Variants in SVIL observed in about 807,000 individuals in gnomAD.
The protein encoded by SVIL is archvillin.
In SVIL, 101 loss-of-function variants were observed where a neutral mutation model predicts 240.4. That is an observed-to-expected ratio of 0.42 (90% CI 0.36 to 0.50). The LOEUF (loss-of-function observed/expected upper bound fraction) is 0.50. Ranked by LOEUF, SVIL falls within the 20% of genes least tolerant of loss-of-function variation. The pLI is 0.01. For missense variants in SVIL, 2,512 were observed against 2,818.7 expected (o/e 0.89, Z 2.46); for synonymous variants, 999 against 1,100.0 (o/e 0.91, Z 1.82).
upstream of SVIL, among the ~76,000 whole-genome samples, chr10:29,638,618 T>G (rs1448781022): frequency 6.6e-6 from 1 of 152,218 alleles, no homozygotes. Context: ...CTATAGAGAT[T>G]TACTTATTAT....
chr10:29,484,643 G>T lies in SVIL; in HGVS notation c.4955+13C>A. 2 of 1,605,632 alleles carry T rather than the reference G, an allele frequency of 1.2e-6. No individual in the cohort carries two copies. Among genetic ancestry groups the T allele is most frequent in the East Asian group, 4.5e-5 (2 of 44,790 alleles). ...TCGCTTGAAGAGCTGTCCCCGGGCG[G>T]CGGCAGGAGTACCTGGGGATAAGCG... On this transcript the variant is annotated intron_variant, in intron 27 of 37. Coordinates refer to ENST00000355867, the MANE Select transcript of SVIL (RefSeq NM_021738.3). This position sits in a 1 kb window ranked among gnomAD's most constrained non-coding sequence, Gnocchi z 4.7.
At chr10:29,631,125 TGG>T (rs1329027855) in intron 1 of SVIL, among the ~76,000 whole-genome samples, 2 of 152,182 alleles carry the variant, frequency 1.3e-5, no homozygotes, top group African/African-American at 4.8e-5. Context: ...GACAACATTT[TGG>T]GGAGACTTGC....
chr10:29,540,992 C>T (rs1411105839), intron 6 of SVIL, among the ~76,000 whole-genome samples: 1 of 152,132 alleles, frequency 6.6e-6, no homozygotes, highest in African/African-American at 2.4e-5. Flanking sequence ...CATCAAAGTA[C>T]AAAATTTACT....
At chr10:29,631,514 C>T (rs1459920362) in intron 1 of SVIL, among the ~76,000 whole-genome samples, 2 of 150,564 alleles carry the variant, frequency 1.3e-5, no homozygotes, top group African/African-American at 4.9e-5. Flanking sequence ...TGGTGGCGGA[C>T]ACCTGTAATC....
intron 17 of SVIL, chr10:29,508,460 C>A (rs1305672080): frequency 1.8e-5 from 22 of 1,216,652 alleles, no homozygotes; most frequent in Non-Finnish European, 2.2e-5. Flanking sequence ...GCATCGCAAT[C>A]ACCTTCAAGT....
intron 33 of SVIL, among the ~76,000 whole-genome samples, chr10:29,466,103 C>G (rs1342782423): frequency 1.3e-5 from 2 of 151,694 alleles, no homozygotes; most frequent in Non-Finnish European, 2.9e-5. Flanking sequence ...GCAAAAGACA[C>G]AAATAGAACA....
intron 6 of SVIL, chr10:29,545,146 G>A (rs1179025847): frequency 1.9e-6 from 1 of 529,744 alleles, no homozygotes; most frequent in African/African-American, 1.9e-5. Flanking sequence ...TGAGCCAAGA[G>A]AGCTTGAGGC....
In SVIL at chr10:29,485,816, G is replaced by T. The variant is rs780285096; in HGVS notation, c.4779+269C>A. Among the ~76,000 whole-genome samples, 3 of 152,134 alleles carry T rather than the reference G, an allele frequency of 2.0e-5. No individual in the cohort carries two copies. In the East Asian group the frequency reaches 5.8e-4, roughly 29 times the overall value. On this transcript the variant is annotated intron_variant, in intron 26 of 37. Transcript: ENST00000355867. ...GTTTATGCAAAATGCAAAAGATAGG[G>T]CTAAGTAATATTTGTATTTTGCCTA...
chr10:29,602,238 T>A (rs1261311748), intron 1 of SVIL: 1 of 530,734 alleles, frequency 1.9e-6, no homozygotes, highest in Admixed American at 2.0e-5. Flanking sequence ...TTTCATGAAG[T>A]GCCCCCTGGT....
chr10:29,634,538 G>A lies in SVIL; in HGVS notation c.-319C>T, dbSNP rs966065067. On this transcript the variant is annotated 5_prime_UTR_variant, in exon 1 of 38. Coordinates refer to ENST00000355867, the MANE Select transcript of SVIL (RefSeq NM_021738.3). Reference sequence around the variant, plus strand: ...AAAACACGTTATACCCTCGAATCCAGCTTTTGATGTCTTCGAGTATTTTCT... The same window carrying A: ...AAAACACGTTATACCCTCGAATCCAACTTTTGATGTCTTCGAGTATTTTCT... 6.6e-6 allele frequency: 1 copy of A among 152,120 alleles called. No homozygotes were observed. The highest frequency in any genetic ancestry group is 2.4e-5 in the African/African-American group (1 of 41,424). The allele number at this position is 152,120 out of a possible 1,614,324, so 9.4% of individuals were successfully genotyped here.
chr10:29,505,253 G>T (rs1949185776), intron 17 of SVIL, among the ~76,000 whole-genome samples: 1 of 152,168 alleles, frequency 6.6e-6, no homozygotes, highest in Admixed American at 6.5e-5. Context: ...TTGAACCCGG[G>T]AGGTGGAGGT....
intron 3 of SVIL, among the ~76,000 whole-genome samples, chr10:29,647,706 G>A (rs1589448493): frequency 6.6e-6 from 1 of 151,850 alleles, no homozygotes; most frequent in East Asian, 1.9e-4. Flanking sequence ...GGTGTATTTC[G>A]AGTCTTCCAC....
intron 32 of SVIL, among the ~76,000 whole-genome samples, chr10:29,468,737 A>G (rs962963871): frequency 2.6e-5 from 4 of 152,002 alleles, no homozygotes; most frequent in African/African-American, 9.7e-5. Context: ...TTCTAAGGAA[A>G]AGCAATTCTT....
intron 7 of SVIL, among the ~76,000 whole-genome samples, chr10:29,534,794 T>C (rs1835731247): frequency 6.6e-6 from 1 of 152,236 alleles, no homozygotes; most frequent in Non-Finnish European, 1.5e-5. Flanking sequence ...AATGTGATAT[T>C]TGCAAAGCAC....
chr10:29,707,585 T>C (rs2132659213), intron 1 of SVIL, among the ~76,000 whole-genome samples: 1 of 152,284 alleles, frequency 6.6e-6, no homozygotes, highest in South Asian at 2.1e-4. Context: ...AAGATATCTG[T>C]GGTAGCAGTG....
intron 1 of SVIL, among the ~76,000 whole-genome samples, chr10:29,615,942 G>A (rs1309032855): frequency 6.6e-6 from 1 of 152,146 alleles, no homozygotes; most frequent in East Asian, 1.9e-4. Context: ...AACAGAAGTT[G>A]ATGCTTTTCC....
rs1247388561 is a variant in SVIL at position 29,533,126 on chromosome 10, C to T, written c.1241G>A (p.Gly414Glu). The change falls in exon 8 of 38, where the codon GGA (glycine) becomes GAA (glutamate). Residue 414 changes from glycine to glutamate, a missense_variant. This residue lies in a region of SVIL where 1,443 missense variants were observed against 1,486.6 expected (regional missense o/e 0.97). Coordinates refer to ENST00000355867, the MANE Select transcript of SVIL (RefSeq NM_021738.3). ...PPSLTVLEGD[G>E]RDSPVLHVCE... Reference sequence around the variant, plus strand: ...GACATGGAGAACTGGGCTATCCCTTCCGTCACCTTCTAGAACCGTCAAGCT... The same window carrying T: ...GACATGGAGAACTGGGCTATCCCTTTCGTCACCTTCTAGAACCGTCAAGCT... 2.5e-6 allele frequency: 4 copies of T among 1,614,172 alleles called. No homozygotes were observed. The highest frequency in any genetic ancestry group is 2.5e-6 in the Non-Finnish European group (3 of 1,180,030).
intron 18 of SVIL, among the ~76,000 whole-genome samples, chr10:29,498,088 C>CAA (rs34280398): frequency 0.075 from 2,819 of 37,420 alleles, 345 homozygotes; most frequent in Non-Finnish European, 0.14. Context: ...TCCCCTCCAC[C>CAA]AAAAAAAAAA....
chr10:29,641,165 T>C (rs1482065956), intron 3 of SVIL, among the ~76,000 whole-genome samples: 1 of 152,156 alleles, frequency 6.6e-6, no homozygotes, highest in African/African-American at 2.4e-5. Flanking sequence ...CCTAGCACTT[T>C]GGGAGGTCGA....
Sources: gnomAD v4.1 joint callset for allele counts (sites outside exome capture counted in the v4.1 genomes callset) on GRCh38, gnomAD v4.1.1 for gene constraint, gnomAD v4.1.1 regional missense constraint, Gnocchi (gnomAD v3.1) non-coding constraint, MANE v1.5 for transcripts, NCBI Gene and HGNC (gene_info 2026-07-23, HGNC 2026-07-21) for gene names.